SCP2: variants seen among roughly 807,000 people sequenced by gnomAD.
The protein encoded by SCP2 is sterol carrier protein 2.
Under a neutral mutation model 71.4 loss-of-function variants are expected in SCP2, and 48 were observed. That is an observed-to-expected ratio of 0.67 (90% confidence interval 0.53 to 0.86). SCP2 has a LOEUF of 0.86. Ranked by LOEUF, SCP2 falls within the 40% of genes least tolerant of loss-of-function variation. The probability of loss-of-function intolerance (pLI) is 0.00; values close to 1 mark genes in which losing one functional copy is unlikely to be tolerated. For missense variants in SCP2, 560 were observed against 655.6 expected, an observed-to-expected ratio of 0.85 and a Z score of 1.59; for synonymous variants, 220 against 218.1, an observed-to-expected ratio of 1.01 and a Z score of -0.08.
At chr1:53,034,825 G>T (rs2150255331) in intron 13 of SCP2, among the ~76,000 whole-genome samples, 1 of 152,218 alleles carries the variant, frequency 6.6e-6, no homozygotes, top group Middle Eastern at 3.4e-3. Flanking sequence ...ATATTATGAG[G>T]CCAGGCACGG....
chr1:53,029,964 C>T (rs1040111525), intron 13 of SCP2, among the ~76,000 whole-genome samples: 1 of 152,012 alleles, frequency 6.6e-6, no homozygotes, highest in African/African-American at 2.4e-5. Flanking sequence ...TCTTGGCTCA[C>T]TGCAACCTCC....
chr1:53,009,553 CT>C (rs1660853264), intron 11 of SCP2, among the ~76,000 whole-genome samples: 1 of 152,172 alleles, frequency 6.6e-6, no homozygotes, highest in African/African-American at 2.4e-5. Context: ...GTAAACGGTG[CT>C]GGGAAAACTG....
intron 6 of SCP2, among the ~76,000 whole-genome samples, chr1:52,967,339 T>G (rs908032526): frequency 6.6e-6 from 1 of 152,102 alleles, no homozygotes; most frequent in South Asian, 2.1e-4. Context: ...TTTTTTTTTT[T>G]AATGTTTAAA....
intron 10 of SCP2, among the ~76,000 whole-genome samples, chr1:52,982,569 C>CA (rs989720039): frequency 2.6e-5 from 4 of 151,400 alleles, no homozygotes; most frequent in Non-Finnish European, 5.9e-5. Flanking sequence ...GACTCCATCT[C>CA]AAAAAAACAA....
chr1:52,995,660 A>G (rs1380248381), intron 11 of SCP2: 10 of 687,952 alleles, frequency 1.5e-5, no homozygotes, highest in Non-Finnish European at 2.5e-5. Flanking sequence ...GTCTTTGTGG[A>G]TGGATGTCCA....
At chr1:53,048,313 A>G in intron 15 of SCP2, 1 of 307,944 alleles carries the variant, frequency 3.2e-6, no homozygotes, top group South Asian at 3.1e-5. Context: ...ACCCAGGCGG[A>G]AAGTAGGAGT....
intron 14 of SCP2, 38 bp downstream of exon 14, chr1:53,039,084 G>A (rs1187529847): frequency 4.3e-6 from 7 of 1,612,996 alleles, no homozygotes; most frequent in Admixed American, 1.7e-5. Context: ...GAGCACTGAC[G>A]AGTTTACGAA....
chr1:52,935,419 G>A (rs1328372200), intron 1 of SCP2, among the ~76,000 whole-genome samples: 2 of 150,750 alleles, frequency 1.3e-5, no homozygotes, highest in Admixed American at 6.6e-5. Context: ...GCAAAACCCC[G>A]TTTTTATTAA....
At chr1:53,032,644 G>A (rs923858037) in intron 13 of SCP2, among the ~76,000 whole-genome samples, 5 of 152,172 alleles carry the variant, frequency 3.3e-5, no homozygotes, top group Admixed American at 6.5e-5. Context: ...AATATCCTTC[G>A]GATCATGAAG....
At chr1:53,000,252 CAAAAA>C (rs34392119) in intron 11 of SCP2, among the ~76,000 whole-genome samples, 1 of 92,116 alleles carries the variant, frequency 1.1e-5, no homozygotes, top group Non-Finnish European at 2.7e-5. Context: ...TAGTTTCTAC[CAAAAA>C]AAAAAAAAAA....
At chr1:52,960,612 A>G (rs12039007) in intron 5 of SCP2, among the ~76,000 whole-genome samples, 1 of 147,878 alleles carries the variant, frequency 6.8e-6, no homozygotes, top group Non-Finnish European at 1.5e-5. Flanking sequence ...GTATGTATAT[A>G]TGTATATATG....
At chr1:52,984,651 C>T (rs1658818134) in intron 10 of SCP2, among the ~76,000 whole-genome samples, 1 of 151,820 alleles carries the variant, frequency 6.6e-6, no homozygotes, top group African/African-American at 2.4e-5. Flanking sequence ...GATTCTCCTG[C>T]CTCAGCCTCC....
At chr1:52,937,806 G>A (rs182733092) in intron 1 of SCP2, among the ~76,000 whole-genome samples, 1 of 152,372 alleles carries the variant, frequency 6.6e-6, no homozygotes, top group East Asian at 1.9e-4. Context: ...TGAGCCAACA[G>A]TGAAAGAAAG....
chr1:52,943,935 A>G (rs542452343), intron 2 of SCP2: 135 of 368,832 alleles, frequency 3.7e-4, no homozygotes, highest in Admixed American at 2.3e-3. Context: ...TAGCCATGGT[A>G]TAGAGACCTC....
rs1410527691 is a variant in SCP2, at chr1:53,007,828, A to G, written c.1082-7062A>G. 2.0e-5 allele frequency among the ~76,000 whole-genome samples: 3 copies of G among 152,206 alleles called. No individual in the cohort carries two copies. The East Asian group carries it at 5.8e-4, about 29-fold the overall frequency. ...CACAAAAAAACCCTTCAAAAAATCA[A>G]TGAATCCAGGAGCTGGTTTTTTGAA... On this transcript the variant is annotated intron_variant, in intron 11 of 15. Coordinates refer to ENST00000371514, the MANE Select transcript of SCP2 (RefSeq NM_002979.5).
chr1:52,942,295 T>C (rs1478663517), intron 2 of SCP2, among the ~76,000 whole-genome samples: 4 of 152,220 alleles, frequency 2.6e-5, no homozygotes, highest in African/African-American at 9.6e-5. Flanking sequence ...TTTCTGTCAC[T>C]AGATTACTGC....
At chr1:53,035,686 A>G (rs764871477) in intron 13 of SCP2, among the ~76,000 whole-genome samples, 1 of 151,332 alleles carries the variant, frequency 6.6e-6, no homozygotes, top group African/African-American at 2.4e-5. Context: ...TTATAAAGCT[A>G]TAATATTGGC....
At chr1:53,005,605 C>A (rs536095149) in intron 11 of SCP2, among the ~76,000 whole-genome samples, 2 of 152,196 alleles carry the variant, frequency 1.3e-5, no homozygotes, top group East Asian at 3.9e-4. Flanking sequence ...ACATTCACAC[C>A]AAAACCCCAT....
At position 52,939,485 on chromosome 1, in the gene SCP2, G is replaced by A. The variant is rs1319431958; in HGVS notation, c.70-2311G>A. ...TGCTTGAGCCCGGGAAGTTGAAGCT[G>A]CAGTGAGCTGTGATCACACCACTGC... On this transcript the variant is annotated intron_variant, in intron 1 of 15. Transcript: ENST00000371514. Among the ~76,000 whole-genome samples, 3 of 152,290 alleles carry A rather than the reference G, an allele frequency of 2.0e-5. No individual in the cohort carries two copies. In the East Asian group the frequency reaches 5.8e-4, roughly 29 times the overall value.
Sources: allele counts gnomAD v4.1 joint callset (sites outside exome capture counted in the v4.1 genomes callset), GRCh38; gene constraint gnomAD v4.1.1; transcripts MANE v1.5; gene names NCBI Gene and HGNC (gene_info 2026-07-23, HGNC 2026-07-21).